BRD3: variants seen among roughly 807,000 people sequenced by gnomAD.
BRD3 encodes bromodomain containing 3.
BRD3 carries 17 observed loss-of-function variants against 66.8 expected under a neutral mutation model. The observed-to-expected ratio is 0.25, with a 90% CI of 0.17 to 0.38. The LOEUF is 0.38. Among genes scored for constraint, BRD3 ranks in the 10% least tolerant of loss-of-function variants. The pLI is 1.00. For missense variants in BRD3, 713 were observed against 956.1 expected (o/e 0.75, Z 3.35); for synonymous variants, 421 against 393.2 (o/e 1.07, Z -0.84).
At chr9:134,060,587 G>GACACACACACACACACACACACACAC (rs10661799) in intron 1 of BRD3, among the ~76,000 whole-genome samples, 1 of 143,780 alleles carries the variant, frequency 7.0e-6, no homozygotes, top group Non-Finnish European at 1.5e-5. Flanking sequence ...GCAAGACCCT[G>GACACACACACACACACACACACACAC]ACACACACAC....
In BRD3 at chr9:134,037,374, C is replaced by G. The variant is rs1408323537; in HGVS notation, c.1644-1050G>C. 2.0e-5 allele frequency among the ~76,000 whole-genome samples: 3 copies of G among 152,150 alleles called. No homozygotes were observed. The East Asian group carries it at 5.8e-4, about 29-fold the overall frequency. ...ATCACCTGAGGTCAGGAGTTCAAGA[C>G]TAGCCTGGCCAAATGGTGAAACCCT... On this transcript the variant is annotated intron_variant, in intron 9 of 11. Coordinates refer to ENST00000303407, the MANE Select transcript of BRD3 (RefSeq NM_007371.4).
At chr9:134,034,669 AAG>A in intron 11 of BRD3, 30 bp downstream of exon 11, 7 of 1,599,560 alleles carry the variant, frequency 4.4e-6, no homozygotes, top group Non-Finnish European at 5.1e-6. Flanking sequence ...CACCCCCCTA[AAG>A]AGGGGTGGCA....
Position 134,041,743 on chromosome 9 carries a change from A to G in BRD3, c.1407+17T>C. 1 of 1,606,576 alleles carries G rather than the reference A, an allele frequency of 6.2e-7. No homozygotes were observed. Among genetic ancestry groups the G allele is most frequent in the Non-Finnish European group, 8.5e-7 (1 of 1,179,208 alleles). ...CGCCTCAGCCCCTGAACCCCACCCA[A>G]GCATGCCAGTGCCCACCTGCTCCTG... On this transcript the variant is annotated intron_variant, in intron 8 of 11. Transcript: ENST00000303407.
At chr9:134,052,657 G>A (rs1247015965) in intron 2 of BRD3, among the ~76,000 whole-genome samples, 2 of 152,156 alleles carry the variant, frequency 1.3e-5, no homozygotes, top group Non-Finnish European at 2.9e-5. Flanking sequence ...CCAAGCATGT[G>A]CAGAGAGGAG....
At chr9:134,065,207 G>A (rs1387244377) in intron 1 of BRD3, among the ~76,000 whole-genome samples, 1 of 152,126 alleles carries the variant, frequency 6.6e-6, no homozygotes, top group Non-Finnish European at 1.5e-5. Context: ...GGTGGATCAC[G>A]AGGTGAGGAG....
intron 1 of BRD3, among the ~76,000 whole-genome samples, chr9:134,062,754 C>T (rs7027509): frequency 0.35 from 52,807 of 152,122 alleles, 9,609 homozygotes; most frequent in Middle Eastern, 0.51. Flanking sequence ...ACTGGTCAGG[C>T]CCTCCCAACC....
In BRD3 at chr9:134,053,408, G is replaced by C. The variant is rs1014119699; in HGVS notation, c.70C>G (p.Pro24Ala). 8 of 1,612,210 alleles carry C rather than the reference G, an allele frequency of 5.0e-6. No homozygotes were observed. The highest frequency in any genetic ancestry group is 5.9e-6 in the Non-Finnish European group (7 of 1,179,480). ...GGCTTGCTGGGGTTGGAGACCTCCG[G>C]GGGGGGTGGGTTCACAGGGCCCGGG... ...ATPGPVNPPP[P>A]EVSNPSKPGR... Residue 24 changes from proline to alanine, a missense_variant, in exon 2 of 12, where the codon CCG becomes GCG. This residue lies in a region of BRD3 where 48 missense variants were observed against 42.5 expected (regional missense o/e 1.13). Transcript: ENST00000303407.
chr9:134,051,318 C>T (rs1830289979), intron 4 of BRD3, among the ~76,000 whole-genome samples: 1 of 152,230 alleles, frequency 6.6e-6, no homozygotes, highest in South Asian at 2.1e-4. Flanking sequence ...TCCTCCTAGA[C>T]CATGAGCTCC....
intron 1 of BRD3, among the ~76,000 whole-genome samples, chr9:134,061,561 T>C (rs961755202): frequency 1.3e-5 from 2 of 152,168 alleles, no homozygotes; most frequent in African/African-American, 4.8e-5. Context: ...CCATTCCCCA[T>C]GGGTCTCCAG....
Position 134,034,726 on chromosome 9 carries a change from G to A in BRD3, c.2040C>T (p.Ser680=). 1 of 1,607,356 alleles carries A rather than the reference G, an allele frequency of 6.2e-7. No individual in the cohort carries two copies. Among genetic ancestry groups the A allele is most frequent in the Non-Finnish European group, 8.5e-7 (1 of 1,179,966 alleles). Reference sequence around the variant, plus strand: ...CTTTCCGGGCGGGCTTCTTGCTGCTGCTCAGCTGCCCGCTGACATCCTGCA... The same window carrying A: ...CTTTCCGGGCGGGCTTCTTGCTGCTACTCAGCTGCCCGCTGACATCCTGCA... The part of the protein sequence containing the change: ...KRLQDVSGQL[S]SSKKPARKEK... Residue 680 remains serine, a synonymous_variant, in exon 11 of 12, where the codon AGC becomes AGT. Coordinates refer to ENST00000303407, the MANE Select transcript of BRD3 (RefSeq NM_007371.4).
intron 1 of BRD3, 68 bp from the exon 2 acceptor site, chr9:134,053,658 C>G: frequency 7.3e-7 from 1 of 1,379,066 alleles, no homozygotes; most frequent in African/African-American, 1.5e-5. Context: ...CTCCCAGCCT[C>G]GGCGGGCTCC....
intron 1 of BRD3, among the ~76,000 whole-genome samples, 157 bp downstream of exon 1, chr9:134,067,785 AGGC>A (rs912414081): frequency 4.2e-5 from 6 of 141,884 alleles, no homozygotes; most frequent in East Asian, 2.2e-4. Flanking sequence ...CCGCGCACAA[AGGC>A]GGCGGCGGCG....
chr9:134,063,260 C>T (rs1316430841), intron 1 of BRD3, among the ~76,000 whole-genome samples: 1 of 152,232 alleles, frequency 6.6e-6, no homozygotes, highest in Non-Finnish European at 1.5e-5. Flanking sequence ...AAAGCGTGGG[C>T]ATGCAGCACA....
Position 134,034,868 on chromosome 9 carries a change from A to G in BRD3, c.1937-39T>C, listed in dbSNP as rs776652878. On this transcript the variant is annotated intron_variant, in intron 10 of 11. Transcript: ENST00000303407. ...AATGGGCACTCAGACTGCAGAGCAGACCGATGGGGCAGGAGCCAGGGCTGC... is the reference window on the plus strand; with the variant it reads ...AATGGGCACTCAGACTGCAGAGCAGGCCGATGGGGCAGGAGCCAGGGCTGC... 1.9e-6 allele frequency: 3 copies of G among 1,607,740 alleles called. No individual in the cohort carries two copies. In the South Asian group the frequency reaches 3.3e-5, roughly 18 times the overall value.
chr9:134,053,414 G>A lies in BRD3; in HGVS notation c.64C>T (p.Pro22Ser), dbSNP rs1162049200. The stretch of plus-strand genomic sequence containing the variant: ...CTGGGGTTGGAGACCTCCGGGGGGG[G>A]TGGGTTCACAGGGCCCGGGGTCGCC... ...IPATPGPVNP[P>S]PPEVSNPSKP... The change falls in exon 2 of 12, where the codon CCC (proline) becomes TCC (serine). Residue 22 changes from proline (P) to serine (S), a missense_variant. Around this residue, in one of 5 missense-constraint regions of BRD3, gnomAD observed 48 missense variants for 42.5 expected, o/e 1.13. Transcript: ENST00000303407. 3.1e-6 allele frequency: 5 copies of A among 1,610,600 alleles called. No individual in the cohort carries two copies. The East Asian group carries it at 6.7e-5, about 22-fold the overall frequency.
At chr9:134,050,922 T>G (rs924372923) in intron 4 of BRD3, among the ~76,000 whole-genome samples, 3 of 152,130 alleles carry the variant, frequency 2.0e-5, no homozygotes, top group African/African-American at 7.2e-5. Context: ...GTTCCCTAAG[T>G]AACAAGCTGA....
chr9:134,034,720 G>A lies in BRD3; in HGVS notation c.2046C>T (p.Ser682=). 1 of 1,606,670 alleles carries A rather than the reference G, an allele frequency of 6.2e-7. No homozygotes were observed. Among genetic ancestry groups the A allele is most frequent in the Non-Finnish European group, 8.5e-7 (1 of 1,179,958 alleles). Residue 682 remains serine, a synonymous_variant, in exon 11 of 12, where the codon AGC becomes AGT. Transcript: ENST00000303407. ...LQDVSGQLSS[S]KKPARKEKPG... is the part of the protein sequence containing the mutation. ...CGGTACCTTTCCGGGCGGGCTTCTT[G>A]CTGCTGCTCAGCTGCCCGCTGACAT...
intron 1 of BRD3, among the ~76,000 whole-genome samples, chr9:134,061,502 AG>A (rs1830543471): frequency 5.3e-5 from 8 of 152,166 alleles, no homozygotes; most frequent in African/African-American, 1.9e-4. Context: ...ACTGGAACCA[AG>A]GGTGGGGGTG....
At chr9:134,034,542 G>C in intron 11 of BRD3, 159 bp downstream of exon 11, 1 of 1,057,712 alleles carries the variant, frequency 9.5e-7, no homozygotes, top group Non-Finnish European at 1.3e-6. Context: ...TGACAGACCA[G>C]GAAATGGAGG....
Sources: gnomAD v4.1 joint callset for allele counts (sites outside exome capture counted in the v4.1 genomes callset) on GRCh38, gnomAD v4.1.1 for gene constraint, gnomAD v4.1.1 regional missense constraint, MANE v1.5 for transcripts, NCBI Gene and HGNC (gene_info 2026-07-23, HGNC 2026-07-21) for gene names.